CFAP69: variants seen among roughly 807,000 people sequenced by gnomAD.
CFAP69 encodes the protein cilia- and flagella-associated protein 69.
CFAP69 carries 92 observed loss-of-function variants against 123.0 expected under a neutral mutation model. The ratio of observed to expected loss-of-function variants is 0.75; its 90% CI spans 0.63 to 0.89. The LOEUF is 0.89. CFAP69 is among the 40% of genes least tolerant of loss of function. The pLI is 0.00. For synonymous variants in CFAP69, 380 were observed against 364.3 expected, an observed-to-expected ratio of 1.04 and a Z score of -0.49; for missense variants, 1,067 against 1,096.9, an observed-to-expected ratio of 0.97 and a Z score of 0.39.
intron 6 of CFAP69, among the ~76,000 whole-genome samples, chr7:90,270,591 C>T (rs934554977): frequency 1.3e-5 from 2 of 152,078 alleles, no homozygotes; most frequent in African/African-American, 4.8e-5. Flanking sequence ...CTCATCACAG[C>T]ATTGGACAGG....
intron 16 of CFAP69, among the ~76,000 whole-genome samples, chr7:90,298,461 TGAGA>T (rs951174145): frequency 6.6e-6 from 1 of 152,224 alleles, no homozygotes; most frequent in Non-Finnish European, 1.5e-5. Context: ...AATAAAATTT[TGAGA>T]GAGATTCTCA....
chr7:90,247,224 C>A (rs890776144), intron 1 of CFAP69, among the ~76,000 whole-genome samples: 1 of 152,168 alleles, frequency 6.6e-6, no homozygotes, highest in Non-Finnish European at 1.5e-5. Flanking sequence ...AACTGAGTTA[C>A]TCAGTTTCTT....
At chr7:90,268,590 T>G (rs541900512) in intron 6 of CFAP69, among the ~76,000 whole-genome samples, 13 of 152,324 alleles carry the variant, frequency 8.5e-5, no homozygotes, top group Non-Finnish European at 1.5e-4. Context: ...TTTATTCTGA[T>G]GCTAAATATG....
At chr7:90,287,486 C>T in intron 14 of CFAP69, 1 of 985,344 alleles carries the variant, frequency 1.0e-6, no homozygotes. Flanking sequence ...TCTTAATCCC[C>T]TTTTATCTTT....
At chr7:90,252,958 G>C (rs536795548) in intron 1 of CFAP69, among the ~76,000 whole-genome samples, 1 of 152,240 alleles carries the variant, frequency 6.6e-6, no homozygotes, top group East Asian at 1.9e-4. Context: ...AGCTGCCATG[G>C]TATTAACTAA....
intron 15 of CFAP69, among the ~76,000 whole-genome samples, chr7:90,297,197 T>G (rs978335763): frequency 6.6e-6 from 1 of 152,194 alleles, no homozygotes; most frequent in African/African-American, 2.4e-5. Flanking sequence ...AGAGTCTGTT[T>G]TTTCATTCTT....
At chr7:90,275,243 G>T (rs929424335) in intron 9 of CFAP69, among the ~76,000 whole-genome samples, 2 of 151,948 alleles carry the variant, frequency 1.3e-5, no homozygotes, top group African/African-American at 4.8e-5. Context: ...GTAGATTCTG[G>T]TATACTCCTC....
At chr7:90,285,657 C>A (rs944798199) in intron 13 of CFAP69, among the ~76,000 whole-genome samples, 1 of 152,234 alleles carries the variant, frequency 6.6e-6, no homozygotes, top group African/African-American at 2.4e-5. Flanking sequence ...AGATCTGCCA[C>A]CTTTGCTTAG....
chr7:90,271,558 C>T lies in CFAP69; in HGVS notation c.565C>T (p.Gln189Ter). The T allele has an allele frequency of 6.2e-7, 1 of 1,612,500 alleles. No individual in the cohort carries two copies. Among genetic ancestry groups the T allele is most frequent in the South Asian group, 1.1e-5 (1 of 90,916 alleles). ...GCAAGCGAGTTCATCATACAAGATT[C>T]AAATGGCTGAAGTTGGAGGATTAGC... is the stretch of plus-strand genomic sequence containing the variant. The part of the protein sequence containing the change: ...YQQASSSYKI[Q>*]MAEVGGLAKT... The change falls in exon 7 of 23, where the codon CAA becomes TAA. Residue 189 changes from glutamine to a stop codon, truncating the protein, a stop_gained. Coordinates refer to ENST00000389297, the MANE Select transcript of CFAP69 (RefSeq NM_001039706.3). LOFTEE classifies it high-confidence loss of function.
chr7:90,304,347 G>A, intron 18 of CFAP69: 3 of 1,256,554 alleles, frequency 2.4e-6, no homozygotes, highest in South Asian at 2.5e-5. Flanking sequence ...GTGCAGATAG[G>A]ATTAAGGACA....
rs1441083217 is a variant in CFAP69, at chr7:90,245,320, A to T, written c.-105A>T. ...ACCTTTCGCGACTCTAGCGACTCTC[A>T]GGCTGCCTTCCCTTCTCGGTGGCGG... On this transcript the variant is annotated 5_prime_UTR_variant, in exon 1 of 23. Coordinates refer to ENST00000389297, the MANE Select transcript of CFAP69 (RefSeq NM_001039706.3). The T allele has an allele frequency of 2.1e-6, 3 of 1,397,622 alleles. No homozygotes were observed. Among genetic ancestry groups the T allele is most frequent in the Non-Finnish European group, 2.8e-6 (3 of 1,073,138 alleles). 86.6% of individuals were successfully genotyped at this position (1,397,622 alleles called of 1,614,324 possible). A position where few individuals can be genotyped will look rare whatever the true frequency, so the allele number is the denominator to read the frequency against.
chr7:90,297,375 TG>T (rs796122735), intron 15 of CFAP69, among the ~76,000 whole-genome samples: 47 of 152,224 alleles, frequency 3.1e-4, no homozygotes, highest in African/African-American at 1.1e-3. Flanking sequence ...TTCAGTTGGT[TG>T]GGGGGCTTAG....
chr7:90,311,890 T>G (rs1473990104), downstream of CFAP69, among the ~76,000 whole-genome samples: 1 of 152,172 alleles, frequency 6.6e-6, no homozygotes, highest in Non-Finnish European at 1.5e-5. Flanking sequence ...CAAGAAGATA[T>G]TAGAAGGCAT....
chr7:90,279,621 C>T, intron 11 of CFAP69, 56 bp from the exon 12 acceptor site: 2 of 1,044,952 alleles, frequency 1.9e-6, no homozygotes, highest in Non-Finnish European at 2.7e-6. Context: ...TATTTAATTG[C>T]CTTAAAGTAT....
rs2117394315 is a variant in CFAP69 at position 90,304,059 on chromosome 7, T to C, written c.2141T>C (p.Val714Ala). The change falls in exon 18 of 23, where the codon GTT (valine) becomes GCT (alanine). Residue 714 changes from valine to alanine, a missense_variant. Transcript: ENST00000389297. Reference protein sequence around the residue: ...ANCPSIAVMDVSENIRAKIYA... With the variant: ...ANCPSIAVMDASENIRAKIYA... The stretch of plus-strand genomic sequence containing the variant: ...TGCCCATCTATTGCGGTTATGGATG[T>C]TTCTGAGAATATTAGAGCAAAAATT... 1.9e-6 allele frequency: 3 copies of C among 1,551,130 alleles called. No individual in the cohort carries two copies.
chr7:90,297,933 C>T (rs953548746), intron 16 of CFAP69, 103 bp downstream of exon 16: 18 of 738,708 alleles, frequency 2.4e-5, no homozygotes, highest in African/African-American at 3.8e-5. Context: ...ATAAATGTGC[C>T]CCAAATCATG....
chr7:90,272,027 T>C (rs1177292312), intron 8 of CFAP69, 69 bp downstream of exon 8: 16 of 1,386,816 alleles, frequency 1.2e-5, no homozygotes, highest in Non-Finnish European at 1.6e-5. Context: ...ATAACTAACA[T>C]CTTTGTTTGA....
intron 2 of CFAP69, among the ~76,000 whole-genome samples, chr7:90,257,852 T>C (rs1797833497): frequency 6.6e-6 from 1 of 152,200 alleles, no homozygotes; most frequent in South Asian, 2.1e-4. Flanking sequence ...AGGTATCTCA[T>C]TGATACACTG....
Position 90,245,404 on chromosome 7 carries a change from T to A in CFAP69, c.-21T>A, listed in dbSNP as rs1263323952. 6.5e-7 allele frequency: 1 copy of A among 1,532,386 alleles called. No individual in the cohort carries two copies. The highest frequency in any genetic ancestry group is 1.4e-5 in the African/African-American group (1 of 69,464). The allele number at this position is 1,532,386 out of a possible 1,614,324, so 94.9% of individuals were successfully genotyped here. ...GTAGGACAGGAAGATCCCCCCACTC[T>A]CCACCCCGCCGCCACCGGCCATGTG... On this transcript the variant is annotated 5_prime_UTR_variant, in exon 1 of 23. Transcript: ENST00000389297.
Sources: gnomAD v4.1 joint callset for allele counts (sites outside exome capture counted in the v4.1 genomes callset) on GRCh38, gnomAD v4.1.1 for gene constraint, MANE v1.5 for transcripts, NCBI Gene and HGNC (gene_info 2026-07-23, HGNC 2026-07-21) for gene names.